Variants in SAMTOR observed in about 807,000 individuals in gnomAD.
SAMTOR encodes S-adenosylmethionine sensor upstream of mTORC1.
At chr7:112,896,019 A>G in the SAMTOR span, among the ~76,000 whole-genome samples, 1 of 152,210 alleles carries the variant, frequency 6.6e-6, no homozygotes, top group African/African-American at 2.4e-5. Flanking sequence ...ACTTCTCTCG[A>G]CTAAAACTTC....
chr7:112,879,862 A>G, the SAMTOR span, among the ~76,000 whole-genome samples: 1 of 152,198 alleles, frequency 6.6e-6, no homozygotes, highest in Non-Finnish European at 1.5e-5. Context: ...TTAAAACTAA[A>G]CAGTGAAGAC....
At chr7:112,872,921 C>T in the SAMTOR span, among the ~76,000 whole-genome samples, 2 of 151,836 alleles carry the variant, frequency 1.3e-5, no homozygotes, top group Non-Finnish European at 2.9e-5. Flanking sequence ...GTCCCCTTTA[C>T]AGTAGCTGTG....
the SAMTOR span, among the ~76,000 whole-genome samples, chr7:112,876,494 G>A: frequency 1.3e-5 from 2 of 151,878 alleles, no homozygotes; most frequent in African/African-American, 4.8e-5. Flanking sequence ...GTGAAATAAC[G>A]CTAAGTTCAG....
At chr7:112,853,425 C>T in the SAMTOR span, among the ~76,000 whole-genome samples, 1 of 151,988 alleles carries the variant, frequency 6.6e-6, no homozygotes, top group African/African-American at 2.4e-5. Flanking sequence ...ACTCTCGCCC[C>T]CTTGATTCCC....
chr7:112,867,101 A>G, the SAMTOR span, among the ~76,000 whole-genome samples: 312 of 152,366 alleles, frequency 2.0e-3, no homozygotes, highest in Non-Finnish European at 3.5e-3. Flanking sequence ...AAATGTTTCA[A>G]CATCTCCAAA....
the SAMTOR span, among the ~76,000 whole-genome samples, chr7:112,883,703 T>C: frequency 1.3e-5 from 2 of 152,238 alleles, no homozygotes; most frequent in Non-Finnish European, 2.9e-5. Context: ...ATATTTATCA[T>C]AGATTTTGGA....
chr7:112,893,731 G>A, the SAMTOR span, among the ~76,000 whole-genome samples: 1 of 152,092 alleles, frequency 6.6e-6, no homozygotes, highest in African/African-American at 2.4e-5. Flanking sequence ...GTGAAACCCC[G>A]TCTCTACTAA....
the SAMTOR span, among the ~76,000 whole-genome samples, chr7:112,838,314 A>G: frequency 8.0e-4 from 121 of 152,062 alleles, no homozygotes; most frequent in Non-Finnish European, 1.3e-3. Flanking sequence ...ATCTATGTTT[A>G]TAAGTGGGCA....
the SAMTOR span, among the ~76,000 whole-genome samples, chr7:112,836,741 C>G: frequency 6.6e-6 from 1 of 151,938 alleles, no homozygotes; most frequent in Non-Finnish European, 1.5e-5. Context: ...TCAACTTTAT[C>G]GAAGATCAGA....
chr7:112,886,246 T>C, the SAMTOR span, among the ~76,000 whole-genome samples: 1 of 152,170 alleles, frequency 6.6e-6, no homozygotes, highest in African/African-American at 2.4e-5. Flanking sequence ...GGCCAAACCA[T>C]ATCAGATGGG....
chr7:112,910,413 T>G, the SAMTOR span, among the ~76,000 whole-genome samples: 1 of 152,118 alleles, frequency 6.6e-6, no homozygotes, highest in Non-Finnish European at 1.5e-5. Context: ...CTAATAAATG[T>G]CAAGAAATAA....
the SAMTOR span, among the ~76,000 whole-genome samples, chr7:112,860,820 G>A: frequency 6.6e-6 from 1 of 150,630 alleles, no homozygotes; most frequent in Non-Finnish European, 1.5e-5. Flanking sequence ...GCTGGGACAG[G>A]AGAATGGCGT....
At chr7:112,853,032 G>C in the SAMTOR span, among the ~76,000 whole-genome samples, 3 of 151,854 alleles carry the variant, frequency 2.0e-5, no homozygotes, top group Admixed American at 2.0e-4. Context: ...TTTGCATTTT[G>C]TAAAGTGATA....
the SAMTOR span, among the ~76,000 whole-genome samples, chr7:112,873,034 A>T: frequency 6.6e-6 from 1 of 151,742 alleles, no homozygotes; most frequent in Non-Finnish European, 1.5e-5. Flanking sequence ...GACAAAGAGA[A>T]CTATAAAACT....
the SAMTOR span, among the ~76,000 whole-genome samples, chr7:112,822,681 T>C: frequency 3.3e-5 from 5 of 152,098 alleles, no homozygotes; most frequent in Admixed American, 2.6e-4. Flanking sequence ...GGTAGGAGTT[T>C]ACAGGAATGA....
the SAMTOR span, among the ~76,000 whole-genome samples, chr7:112,931,459 A>G: frequency 6.6e-6 from 1 of 152,192 alleles, no homozygotes; most frequent in African/African-American, 2.4e-5. Context: ...GTCTGTGAAC[A>G]CATCCTATAA....
At chr7:112,922,780 G>A in the SAMTOR span, among the ~76,000 whole-genome samples, 4 of 151,790 alleles carry the variant, frequency 2.6e-5, 1 homozygote, top group South Asian at 6.2e-4. Flanking sequence ...GTCTGGGAGG[G>A]AGGTGGGGGT....
chr7:112,871,093 C>T, the SAMTOR span, among the ~76,000 whole-genome samples: 1 of 152,066 alleles, frequency 6.6e-6, no homozygotes. Flanking sequence ...GGGGACTTCA[C>T]CTCATTCACA....
At chr7:112,919,638 C>CA in the SAMTOR span, among the ~76,000 whole-genome samples, 1 of 151,912 alleles carries the variant, frequency 6.6e-6, no homozygotes, top group Non-Finnish European at 1.5e-5. Flanking sequence ...AAAAACCCTT[C>CA]AAAAAATTAA....
Sources: allele counts gnomAD v4.1 joint callset (sites outside exome capture counted in the v4.1 genomes callset), GRCh38; gene constraint gnomAD v4.1.1; transcripts MANE v1.5; gene names NCBI Gene and HGNC (gene_info 2026-07-23, HGNC 2026-07-21).